Variants in COLEC11 observed in about 807,000 individuals in gnomAD.
COLEC11 encodes the protein collectin-11.
COLEC11 carries 20 observed loss-of-function variants against 27.3 expected under a neutral mutation model. The observed-to-expected ratio is 0.73, with a 90% CI of 0.51 to 1.06. The LOEUF is 1.06. Among genes scored for constraint, COLEC11 ranks in the 50% least tolerant of loss-of-function variants. COLEC11 has a pLI of 0.00. For synonymous variants in COLEC11, 163 were observed against 154.7 expected (o/e 1.05, Z -0.40); for missense variants, 310 against 383.0 (o/e 0.81, Z 1.59).
In COLEC11 at chr2:3,644,464, G is replaced by A. The variant is rs1307966330; in HGVS notation, c.*346G>A. The A allele has an allele frequency of 2.0e-6, 1 of 511,476 alleles. No homozygotes were observed. The highest frequency in any genetic ancestry group is 3.8e-6 in the Non-Finnish European group (1 of 265,594). The allele number at this position is 511,476 out of a possible 1,614,324, so 31.7% of individuals were successfully genotyped here. On this transcript the variant is annotated 3_prime_UTR_variant, in exon 7 of 7. Transcript: ENST00000349077. ...GTGCAGTAGTTAAGTCCAAATAGTG[G>A]CAATGGGGTCTTGAATTACTACCTT...
chr2:3,605,894 G>A (rs1480689958), intron 2 of COLEC11: 1 of 584,474 alleles, frequency 1.7e-6, no homozygotes, highest in Non-Finnish European at 2.8e-6. Flanking sequence ...GCTTTTTTCC[G>A]GCTGTGTTAG....
intron 5 of COLEC11, chr2:3,641,208 G>A (rs1485327997): frequency 7.7e-7 from 1 of 1,302,966 alleles, no homozygotes; most frequent in East Asian, 5.5e-5. Flanking sequence ...GAGAGGGGCT[G>A]GATTTCTGAA....
chr2:3,616,566 G>A (rs142167173), intron 3 of COLEC11, among the ~76,000 whole-genome samples: 3,610 of 152,322 alleles, frequency 0.024, 149 homozygotes, highest in African/African-American at 0.08. Context: ...AGACCAGCCC[G>A]GCCAACACAG....
chr2:3,618,607 G>A (rs1190539644), intron 3 of COLEC11, among the ~76,000 whole-genome samples: 2 of 152,198 alleles, frequency 1.3e-5, no homozygotes, highest in African/African-American at 4.8e-5. Context: ...TTTGAAATCA[G>A]GAAGTGTGAT....
chr2:3,603,806 T>C (rs1344973020), intron 1 of COLEC11: 1 of 769,714 alleles, frequency 1.3e-6, no homozygotes, highest in Non-Finnish European at 2.2e-6. Context: ...GAAGGCCAGG[T>C]GCCTGTCTCC....
At position 3,603,599 on chromosome 2, in the gene COLEC11, G is replaced by C. The variant is rs539002220; in HGVS notation, c.-26-716G>C. On this transcript the variant is annotated intron_variant, in intron 1 of 6. Coordinates refer to ENST00000349077, the MANE Select transcript of COLEC11 (RefSeq NM_024027.5). ...CCCAAAGTGCTGGAATTACAGGTGT[G>C]AGCCACTGCGCCTGGTCTTGTTTTC... The C allele has an allele frequency of 3.2e-6, 5 of 1,548,970 alleles. No homozygotes were observed. The South Asian group carries it at 6.0e-5, about 18-fold the overall frequency.
chr2:3,614,058 C>A lies in COLEC11; in HGVS notation c.202+676C>A, dbSNP rs1164537810. Among the ~76,000 whole-genome samples the A allele has an allele frequency of 2.0e-5, 3 of 147,872 alleles. No homozygotes were observed. The Admixed American group carries it at 2.1e-4, about 10-fold the overall frequency. On this transcript the variant is annotated intron_variant, in intron 3 of 6. Coordinates refer to ENST00000349077, the MANE Select transcript of COLEC11 (RefSeq NM_024027.5). ...GTGGCACAGTCTTGGCTCACTGTAACCTTCTCCTCCCAGGTTCAAGCTATT... is the reference window on the plus strand; with the variant it reads ...GTGGCACAGTCTTGGCTCACTGTAAACTTCTCCTCCCAGGTTCAAGCTATT...
At position 3,631,504 on chromosome 2, in the gene COLEC11, C is replaced by G. The variant is rs543527517; in HGVS notation, c.203-6029C>G. Reference sequence around the variant, plus strand: ...TGTGCCCAGTGCTTGGCCCTTCCCCCAAAGGCCTCCCTGCAAGGCTGAGGG... The same window carrying G: ...TGTGCCCAGTGCTTGGCCCTTCCCCGAAAGGCCTCCCTGCAAGGCTGAGGG... On this transcript the variant is annotated intron_variant, in intron 3 of 6. Coordinates refer to ENST00000349077, the MANE Select transcript of COLEC11 (RefSeq NM_024027.5). Among the ~76,000 whole-genome samples the G allele has an allele frequency of 5.3e-5, 8 of 152,256 alleles. No individual in the cohort carries two copies. In the South Asian group the frequency reaches 1.0e-3, roughly 20 times the overall value.
chr2:3,633,360 G>T (rs1393524410), intron 3 of COLEC11, among the ~76,000 whole-genome samples: 1 of 152,240 alleles, frequency 6.6e-6, no homozygotes, highest in Non-Finnish European at 1.5e-5. Flanking sequence ...CTGAGAGTGA[G>T]TTGAGAGCAT....
chr2:3,618,276 A>G lies in COLEC11; in HGVS notation c.202+4894A>G, dbSNP rs113685583. On this transcript the variant is annotated intron_variant, in intron 3 of 6. Coordinates refer to ENST00000349077, the MANE Select transcript of COLEC11 (RefSeq NM_024027.5). ...ATCCCAAAAAATCATTGCCAAGACC[A>G]ATGTCAAGGAACTTTTCCCTTACAT... Among the ~76,000 whole-genome samples the G allele has an allele frequency of 2.7e-3, 410 of 152,338 alleles. 1 individual carries two copies. The highest frequency in any genetic ancestry group is 9.2e-3 in the African/African-American group (384 of 41,572).
rs374138625 is a variant in COLEC11 at position 3,640,294 on chromosome 2, C to T, written c.291C>T (p.Ser97=). ...TATTTTCAGGTGAGAAAGGAGATTCCGGTGACATAGGACCCCCTGGTCCTA... is the reference window on the plus strand; with the variant it reads ...TATTTTCAGGTGAGAAAGGAGATTCTGGTGACATAGGACCCCCTGGTCCTA... ...PIGSKGEKGD[S]GDIGPPGPNG... Residue 97 remains serine (S), a synonymous_variant, in exon 5 of 7, where the codon TCC becomes TCT. Transcript: ENST00000349077. The T allele has an allele frequency of 1.5e-4, 233 of 1,601,994 alleles. 5 individuals carry two copies. Among genetic ancestry groups the T allele is most frequent in the South Asian group, 9.5e-4 (86 of 90,802 alleles).
intron 4 of COLEC11, among the ~76,000 whole-genome samples, chr2:3,638,493 C>T (rs1665603958): frequency 1.3e-5 from 2 of 152,198 alleles, no homozygotes; most frequent in African/African-American, 4.8e-5. Context: ...GGGCCAGGTT[C>T]TTCTACCTCA....
At chr2:3,627,094 C>T (rs926377795) in intron 3 of COLEC11, among the ~76,000 whole-genome samples, 10 of 152,136 alleles carry the variant, frequency 6.6e-5, no homozygotes, top group East Asian at 1.9e-4. Context: ...TGACCGGTCA[C>T]GAACATCTGT....
rs550117588 is a variant in COLEC11, at chr2:3,635,909, C to T, written c.203-1624C>T. Among the ~76,000 whole-genome samples, 51 of 152,374 alleles carry T rather than the reference C, an allele frequency of 3.3e-4. No individual in the cohort carries two copies. The South Asian group carries it at 0.01, about 30-fold the overall frequency. ...AGCCAGATAAGAGAATGCATGTGAACGTGCTTTGTGAATCAAGGCTGCATT... is the reference window on the plus strand; with the variant it reads ...AGCCAGATAAGAGAATGCATGTGAATGTGCTTTGTGAATCAAGGCTGCATT... On this transcript the variant is annotated intron_variant, in intron 3 of 6. Transcript: ENST00000349077.
Position 3,607,450 on chromosome 2 carries a change from T to TC in COLEC11, c.130+2980_130+2981insC, listed in dbSNP as rs370211241. ...TTTATCAAATGAATTTTTTTTTTGC[T>TC]TTTTTTTTTTTTTTGAGATGGAGTT... is the stretch of plus-strand genomic sequence containing the variant. On this transcript the variant is annotated intron_variant, in intron 2 of 6. Coordinates refer to ENST00000349077, the MANE Select transcript of COLEC11 (RefSeq NM_024027.5). 9.7e-4 allele frequency among the ~76,000 whole-genome samples: 37 copies of TC among 38,082 alleles called. 1 individual carries two copies. The highest frequency in any genetic ancestry group is 4.9e-3 in the East Asian group (4 of 818). The allele number at this position is 38,082 out of a possible 152,430, so 25.0% of individuals were successfully genotyped here.
chr2:3,641,230 G>C, intron 5 of COLEC11: 2 of 1,304,330 alleles, frequency 1.5e-6, no homozygotes, highest in Non-Finnish European at 2.0e-6. Context: ...AAAAGTCCTT[G>C]TTTTAAAAGC....
At chr2:3,620,495 A>G (rs1030701878) in intron 3 of COLEC11, among the ~76,000 whole-genome samples, 10 of 148,398 alleles carry the variant, frequency 6.7e-5, no homozygotes, top group Non-Finnish European at 9.0e-5. Context: ...TCAAAAAGCA[A>G]CTCTTAGTTT....
chr2:3,629,231 T>C (rs187730151), intron 3 of COLEC11, among the ~76,000 whole-genome samples: 1 of 152,370 alleles, frequency 6.6e-6, no homozygotes, highest in Admixed American at 6.5e-5. Flanking sequence ...TGGTATGAAG[T>C]AGAGAATGTG....
intron 3 of COLEC11, among the ~76,000 whole-genome samples, chr2:3,620,966 A>G (rs1334276108): frequency 6.6e-6 from 1 of 152,214 alleles, no homozygotes; most frequent in African/African-American, 2.4e-5. Flanking sequence ...AGCTATCTCA[A>G]AGAATGTTCC....
Sources: gnomAD v4.1 joint callset for allele counts (sites outside exome capture counted in the v4.1 genomes callset) on GRCh38, gnomAD v4.1.1 for gene constraint, MANE v1.5 for transcripts, NCBI Gene and HGNC (gene_info 2026-07-23, HGNC 2026-07-21) for gene names.